Variants in KIF26B observed in about 807,000 individuals in gnomAD.
KIF26B encodes kinesin-like protein KIF26B.
KIF26B carries 63 observed loss-of-function variants against 151.2 expected under a neutral mutation model. That is an observed-to-expected ratio of 0.42 (90% CI 0.34 to 0.51). The LOEUF (loss-of-function observed/expected upper bound fraction) is 0.51. Ranked by LOEUF, KIF26B falls within the 20% of genes least tolerant of loss-of-function variation. The pLI is 0.07. For missense variants in KIF26B, 2,813 were observed against 2,913.6 expected, an observed-to-expected ratio of 0.97 and a Z score of 0.79; for synonymous variants, 1,357 against 1,262.1, an observed-to-expected ratio of 1.08 and a Z score of -1.59.
Position 245,597,802 on chromosome 1 carries a change from A to G in KIF26B, c.1351-4775A>G, listed in dbSNP as rs924460902. Among the ~76,000 whole-genome samples the G allele has an allele frequency of 6.6e-6, 1 of 152,044 alleles. No homozygotes were observed. The highest frequency in any genetic ancestry group is 1.5e-5 in the Non-Finnish European group (1 of 68,022). ...AGGTTTGGTCTTTTCACATAGTTCCATATTTCTTGGAGGCTTTGTTCATTC... is the reference window on the plus strand; with the variant it reads ...AGGTTTGGTCTTTTCACATAGTTCCGTATTTCTTGGAGGCTTTGTTCATTC... On this transcript the variant is annotated intron_variant, in intron 5 of 14. Coordinates refer to ENST00000407071, the MANE Select transcript of KIF26B (RefSeq NM_018012.4). The surrounding 1 kb of genome is among the most constrained non-coding windows in gnomAD (Gnocchi z 4.6).
intron 2 of KIF26B, among the ~76,000 whole-genome samples, chr1:245,327,104 A>G (rs1672006104): frequency 6.6e-6 from 1 of 152,336 alleles, no homozygotes; most frequent in East Asian, 1.9e-4. Context: ...GACCTTCTTT[A>G]GGAAATGGAA....
Position 245,706,202 on chromosome 1 carries a change from G to A in KIF26B, c.*3596G>A, listed in dbSNP as rs973463711. 6 of 152,222 alleles carry A rather than the reference G, an allele frequency of 3.9e-5. No individual in the cohort carries two copies. The highest frequency in any genetic ancestry group is 1.2e-4 in the African/African-American group (5 of 41,454). 9.4% of individuals were successfully genotyped at this position (152,222 alleles called of 1,614,324 possible). ...TCCAGCCGCATCTACCATCCAGGGT[G>A]GAGGTTCAAAAAGTCTTATACGCAC... is the stretch of plus-strand genomic sequence containing the variant. On this transcript the variant is annotated 3_prime_UTR_variant, in exon 15 of 15. Transcript: ENST00000407071.
intron 9 of KIF26B, among the ~76,000 whole-genome samples, chr1:245,612,470 A>G (rs952838826): frequency 6.6e-6 from 1 of 152,214 alleles, no homozygotes; most frequent in Non-Finnish European, 1.5e-5. Flanking sequence ...AGATAATTAT[A>G]GTATCTGGGC....
At chr1:245,608,121 C>T (rs972117206) in intron 7 of KIF26B, among the ~76,000 whole-genome samples, 1 of 152,144 alleles carries the variant, frequency 6.6e-6, no homozygotes, top group Non-Finnish European at 1.5e-5. Context: ...GGTGGTTGGA[C>T]CCCTGTAAAA....
chr1:245,625,276 C>G (rs573816719), intron 9 of KIF26B, among the ~76,000 whole-genome samples: 2 of 152,176 alleles, frequency 1.3e-5, no homozygotes, highest in Non-Finnish European at 1.5e-5. Context: ...ATTTTAGAGT[C>G]GCTTTCTAAA....
intron 2 of KIF26B, among the ~76,000 whole-genome samples, chr1:245,188,436 A>G (rs1227126526): frequency 6.6e-6 from 1 of 152,122 alleles, no homozygotes; most frequent in Non-Finnish European, 1.5e-5. Flanking sequence ...CCAAGATCTT[A>G]CTTTCCTACC....
At position 245,540,866 on chromosome 1, in the gene KIF26B, G is replaced by A; in HGVS notation, c.1266G>A (p.Gly422=). Residue 422 remains glycine (G), a synonymous_variant, in exon 5 of 15, where the codon GGG becomes GGA. Coordinates refer to ENST00000407071, the MANE Select transcript of KIF26B (RefSeq NM_018012.4). This position sits in a 1 kb window ranked among gnomAD's most constrained non-coding sequence, Gnocchi z 4.6. ...EPPLFATSFS[G]ILQTSPPPAP... ...CGCTCTTTGCAACCAGCTTCAGTGG[G>A]ATTCTGCAGACCTCCCCTCCCCCAG... 1.9e-6 allele frequency: 3 copies of A among 1,613,942 alleles called. No homozygotes were observed. In the South Asian group the frequency reaches 3.3e-5, roughly 18 times the overall value.
chr1:245,455,498 T>C (rs1399265905), intron 4 of KIF26B, among the ~76,000 whole-genome samples: 1 of 151,976 alleles, frequency 6.6e-6, no homozygotes, highest in East Asian at 1.9e-4. Context: ...GTGAGATCTG[T>C]CTGAAAAAAA....
At chr1:245,641,313 TCTCA>T (rs1437359372) in intron 9 of KIF26B, among the ~76,000 whole-genome samples, 1 of 127,590 alleles carries the variant, frequency 7.8e-6, no homozygotes, top group African/African-American at 3.3e-5. Flanking sequence ...CTTGGGGTCT[TCTCA>T]CTTGGGTTGA....
chr1:245,506,587 C>G (rs190088374), intron 4 of KIF26B, among the ~76,000 whole-genome samples: 13 of 152,298 alleles, frequency 8.5e-5, no homozygotes, highest in Middle Eastern at 3.4e-3. Context: ...GTCACAGCAT[C>G]ATAGAATACT....
intron 2 of KIF26B, among the ~76,000 whole-genome samples, chr1:245,280,436 C>A (rs1671020446): frequency 1.4e-5 from 2 of 145,992 alleles, no homozygotes; most frequent in Admixed American, 1.4e-4. Flanking sequence ...GAGGCTGAGG[C>A]AGGAGAATGG....
chr1:245,544,298 G>T (rs141436789), intron 5 of KIF26B, among the ~76,000 whole-genome samples: 1 of 152,186 alleles, frequency 6.6e-6, no homozygotes, highest in South Asian at 2.1e-4. Context: ...AGGTAGACAA[G>T]TTTGATGGAA....
At chr1:245,295,810 C>G (rs1489244636) in intron 2 of KIF26B, among the ~76,000 whole-genome samples, 2 of 152,144 alleles carry the variant, frequency 1.3e-5, no homozygotes, top group Admixed American at 6.5e-5. Flanking sequence ...GCTGGATTTG[C>G]CTGAGAAACT....
At chr1:245,188,367 G>A (rs967368378) in intron 2 of KIF26B, among the ~76,000 whole-genome samples, 1 of 151,166 alleles carries the variant, frequency 6.6e-6, no homozygotes, top group African/African-American at 2.4e-5. Context: ...TAGGCAGGAA[G>A]TGAGGCCAGT....
At chr1:245,657,299 C>T (rs185620014) in intron 10 of KIF26B, among the ~76,000 whole-genome samples, 324 of 152,306 alleles carry the variant, frequency 2.1e-3, no homozygotes, top group Admixed American at 3.9e-3. Flanking sequence ...GTTTCTCCCA[C>T]GAGACCTTGT....
At chr1:245,393,578 T>C (rs186286566) in intron 3 of KIF26B, among the ~76,000 whole-genome samples, 12 of 152,316 alleles carry the variant, frequency 7.9e-5, no homozygotes, top group Non-Finnish European at 1.8e-4. Context: ...AGGAGGAGCA[T>C]GGAAGGGATT....
chr1:245,639,923 T>C (rs1289272283), intron 9 of KIF26B, among the ~76,000 whole-genome samples: 1 of 151,586 alleles, frequency 6.6e-6, no homozygotes. Context: ...ATGAGAAGAA[T>C]GTGTATTTTG....
intron 6 of KIF26B, among the ~76,000 whole-genome samples, chr1:245,603,563 T>C (rs1239833883): frequency 2.0e-5 from 3 of 152,036 alleles, no homozygotes; most frequent in African/African-American, 7.2e-5. Context: ...CATAGGCACA[T>C]GTCTTTGGGG....
chr1:245,520,519 TCCATCC>T (rs1661069144), intron 4 of KIF26B, among the ~76,000 whole-genome samples: 2 of 244 alleles, frequency 8.2e-3, no homozygotes, highest in African/African-American at 0.024. Flanking sequence ...TATTCATCCA[TCCATCC>T]ATCCATCCAT....
Sources: allele counts gnomAD v4.1 joint callset (sites outside exome capture counted in the v4.1 genomes callset), GRCh38; gene constraint gnomAD v4.1.1; non-coding constraint Gnocchi (gnomAD v3.1); transcripts MANE v1.5; gene names NCBI Gene and HGNC (gene_info 2026-07-23, HGNC 2026-07-21).